RIN2: variants seen among roughly 807,000 people sequenced by gnomAD.
RIN2 encodes the protein RAB5 interacting protein 2.
In RIN2, 36 loss-of-function variants were observed where a neutral mutation model predicts 78.0. That is an observed-to-expected ratio of 0.46 (90% CI 0.35 to 0.61). The LOEUF (loss-of-function observed/expected upper bound fraction) is 0.61. Ranked by LOEUF, RIN2 falls within the 20% of genes least tolerant of loss-of-function variation. The pLI is 0.00. For missense variants in RIN2, 1,087 were observed against 1,159.7 expected, an observed-to-expected ratio of 0.94 and a Z score of 0.91; for synonymous variants, 466 against 466.8, an observed-to-expected ratio of 1.00 and a Z score of 0.02.
chr20:19,974,008 C>T (rs2042188735), intron 8 of RIN2, among the ~76,000 whole-genome samples: 1 of 152,164 alleles, frequency 6.6e-6, no homozygotes, highest in Non-Finnish European at 1.5e-5. Flanking sequence ...AGGAGGGACT[C>T]CAAACCACAA....
rs1165659827 is a variant in RIN2 at position 19,986,112 on chromosome 20, T to A, written c.1763-3894T>A. 3.3e-5 allele frequency among the ~76,000 whole-genome samples: 5 copies of A among 152,216 alleles called. No homozygotes were observed. In the East Asian group the frequency reaches 9.6e-4, roughly 29 times the overall value. The stretch of plus-strand genomic sequence containing the variant: ...TAGAAAAAAATGGAGAGTAGTAATT[T>A]ATGAGAAATGTGACCAATTTGTTCT... On this transcript the variant is annotated intron_variant, in intron 9 of 12. Transcript: ENST00000255006.
At chr20:19,871,820 T>C (rs925568176) in intron 2 of RIN2, 1 of 152,226 alleles carries the variant, frequency 6.6e-6, no homozygotes, top group African/African-American at 2.4e-5. Context: ...TTAAAAATGC[T>C]GAAATGGATC....
Position 19,975,302 on chromosome 20 carries a change from G to C in RIN2, c.1277G>C (p.Arg426Pro), listed in dbSNP as rs756353255. The change falls in exon 9 of 13, where the codon CGG becomes CCG. Residue 426 changes from arginine (R) to proline (P), a missense_variant. Physicochemically the swap from Arg to Pro is moderately radical, Grantham distance 103 (BLOSUM62 -2). This residue lies in a region of RIN2 where 706 missense variants were observed against 667.5 expected (regional missense o/e 1.06). Coordinates refer to ENST00000255006, the MANE Select transcript of RIN2 (RefSeq NM_018993.4). This position sits in a 1 kb window ranked among gnomAD's most constrained non-coding sequence, Gnocchi z 4.9. ...SESRPPCHGG[R>P]QRLSDMSIST... ...TCACGGCCCCCGTGCCATGGAGGCC[G>C]GCAGCGGCTGAGCGACATGAGCATT... The C allele has an allele frequency of 3.1e-6, 5 of 1,605,098 alleles. No homozygotes were observed. Among genetic ancestry groups the C allele is most frequent in the Non-Finnish European group, 4.3e-6 (5 of 1,176,178 alleles).
intron 2 of RIN2, among the ~76,000 whole-genome samples, chr20:19,824,833 G>A (rs2036037058): frequency 1.3e-5 from 2 of 152,198 alleles, no homozygotes; most frequent in Admixed American, 1.3e-4. Context: ...TCCATGTGGA[G>A]AGGAGCATTC....
At chr20:19,912,947 A>G (rs2039538283) in intron 3 of RIN2, among the ~76,000 whole-genome samples, 1 of 152,212 alleles carries the variant, frequency 6.6e-6, no homozygotes, top group African/African-American at 2.4e-5. Context: ...CGTGCGGTGC[A>G]CAGGCTGAGC....
At chr20:19,958,689 C>T (rs573923827) in intron 5 of RIN2, among the ~76,000 whole-genome samples, 1 of 152,228 alleles carries the variant, frequency 6.6e-6, no homozygotes, top group Admixed American at 6.5e-5. Flanking sequence ...GCCAACATGG[C>T]GAAACCCCGT....
At chr20:19,764,471 C>T (rs911848868) in intron 1 of RIN2, among the ~76,000 whole-genome samples, 10 of 152,156 alleles carry the variant, frequency 6.6e-5, no homozygotes, top group African/African-American at 2.4e-4. Flanking sequence ...TTCAGCACAC[C>T]CATGTCCAGA....
chr20:19,843,850 A>G (rs1023048788), intron 2 of RIN2, among the ~76,000 whole-genome samples: 5 of 152,228 alleles, frequency 3.3e-5, no homozygotes, highest in Admixed American at 6.5e-5. Flanking sequence ...ATTCTGAAAA[A>G]AAATAACCTT....
intron 2 of RIN2, among the ~76,000 whole-genome samples, chr20:19,874,552 A>C (rs1044504793): frequency 1.3e-5 from 2 of 152,178 alleles, no homozygotes; most frequent in African/African-American, 4.8e-5. Context: ...TGGTGTCAGT[A>C]ATGCACCTTT....
chr20:19,972,310 G>A lies in RIN2; in HGVS notation c.628+1381G>A, dbSNP rs377500771. Among the ~76,000 whole-genome samples, 6 of 152,046 alleles carry A rather than the reference G, an allele frequency of 3.9e-5. No individual in the cohort carries two copies. In the South Asian group the frequency reaches 8.3e-4, roughly 21 times the overall value. On this transcript the variant is annotated intron_variant, in intron 8 of 12. Coordinates refer to ENST00000255006, the MANE Select transcript of RIN2 (RefSeq NM_018993.4). ...GCACCGGGTCTCAGTTCTCTCTCCCGACCTCTGTCCACATAGCTCCAGTCT... is the reference window on the plus strand; with the variant it reads ...GCACCGGGTCTCAGTTCTCTCTCCCAACCTCTGTCCACATAGCTCCAGTCT...
intron 4 of RIN2, among the ~76,000 whole-genome samples, chr20:19,949,690 G>T (rs1010141661): frequency 1.3e-5 from 2 of 152,200 alleles, no homozygotes; most frequent in Admixed American, 1.3e-4. Flanking sequence ...GATGCAGCTC[G>T]CGGGAGCGGG....
chr20:19,890,702 A>AAAAAT (rs2038417544), intron 3 of RIN2, among the ~76,000 whole-genome samples: 1 of 151,348 alleles, frequency 6.6e-6, no homozygotes, highest in African/African-American at 2.4e-5. Flanking sequence ...AAAAAAAAAA[A>AAAAAT]ACCATCAGAA....
chr20:19,845,331 C>T (rs1325769574), intron 2 of RIN2, among the ~76,000 whole-genome samples: 2 of 152,158 alleles, frequency 1.3e-5, no homozygotes, highest in Non-Finnish European at 2.9e-5. Flanking sequence ...GATGGTTGAA[C>T]TAATTTACAC....
At chr20:19,856,139 A>G (rs2037158952) in intron 2 of RIN2, among the ~76,000 whole-genome samples, 1 of 152,126 alleles carries the variant, frequency 6.6e-6, no homozygotes, top group South Asian at 2.1e-4. Context: ...GAAAGATCAT[A>G]CCCTGTATAT....
At chr20:19,878,570 T>C (rs2037927487) in intron 2 of RIN2, among the ~76,000 whole-genome samples, 1 of 152,188 alleles carries the variant, frequency 6.6e-6, no homozygotes, top group Non-Finnish European at 1.5e-5. Flanking sequence ...GAACATACTT[T>C]AGTTAACAGT....
chr20:19,849,066 C>T (rs1374944845), intron 2 of RIN2, among the ~76,000 whole-genome samples: 1 of 152,028 alleles, frequency 6.6e-6, no homozygotes. Context: ...AAAATTCAAG[C>T]TATTGGCCAT....
intron 9 of RIN2, among the ~76,000 whole-genome samples, chr20:19,979,294 G>A (rs1289490639): frequency 6.6e-6 from 1 of 152,134 alleles, no homozygotes; most frequent in Admixed American, 6.5e-5. Context: ...TGATACAAAA[G>A]AGCCAACTAT....
chr20:19,764,922 T>G lies in RIN2; in HGVS notation c.-163+6595T>G, dbSNP rs1184999831. Among the ~76,000 whole-genome samples, 49 of 111,402 alleles carry G rather than the reference T, an allele frequency of 4.4e-4. 1 individual carries two copies. Among genetic ancestry groups the G allele is most frequent in the East Asian group, 7.4e-4 (3 of 4,068 alleles). The allele number at this position is 111,402 out of a possible 152,430, so 73.1% of individuals were successfully genotyped here. A position where few individuals can be genotyped will look rare whatever the true frequency, so the allele number is the denominator to read the frequency against. On this transcript the variant is annotated intron_variant, in intron 1 of 12. Coordinates refer to ENST00000255006, the MANE Select transcript of RIN2 (RefSeq NM_018993.4). Reference sequence around the variant, plus strand: ...AAGTCCCACTTCACTTTCTGCGTTTTTTTTTTTTTTTTTTTTTTTTTGACA... The same window carrying G: ...AAGTCCCACTTCACTTTCTGCGTTTGTTTTTTTTTTTTTTTTTTTTTGACA...
intron 4 of RIN2, among the ~76,000 whole-genome samples, chr20:19,949,094 C>T (rs1321645064): frequency 3.3e-5 from 5 of 152,096 alleles, no homozygotes; most frequent in South Asian, 2.1e-4. Context: ...GCCTGGACAA[C>T]GTGGTGAAAC....
Sources: allele counts gnomAD v4.1 joint callset (sites outside exome capture counted in the v4.1 genomes callset), GRCh38; gene constraint gnomAD v4.1.1; regional missense constraint gnomAD v4.1.1; non-coding constraint Gnocchi (gnomAD v3.1); transcripts MANE v1.5; gene names NCBI Gene and HGNC (gene_info 2026-07-23, HGNC 2026-07-21).